The following TAF9B variants were observed in gnomAD, a reference collection of about 807,000 sequenced individuals.
The protein encoded by TAF9B is TATA-box binding protein associated factor 9b.
A neutral mutation model predicts 17.6 loss-of-function variants in TAF9B; 47 were observed. That is an observed-to-expected ratio of 2.68 (90% confidence interval 2.12 to 3.41). The LOEUF is 3.41. Ranked by LOEUF, TAF9B falls within the 30% of genes most tolerant of loss-of-function variation. TAF9B has a pLI of 0.00. For missense variants in TAF9B, 218 were observed against 189.3 expected, an observed-to-expected ratio of 1.15 and a Z score of -0.89; for synonymous variants, 84 against 68.7, an observed-to-expected ratio of 1.22 and a Z score of -1.10.
Position 78,139,563 on chromosome X carries a change from A to AG in TAF9B, c.48dup (p.Val18GlyfsTer15), listed in dbSNP as rs1557250521. The AG allele has an allele frequency of 3.3e-6, 4 of 1,211,556 alleles. No individual in the cohort carries two copies. Among genetic ancestry groups the AG allele is most frequent in the Non-Finnish European group, 4.5e-6 (4 of 895,361 alleles). On this transcript the variant is annotated frameshift_variant, in exon 1 of 7. Transcript: ENST00000341864. LOFTEE classifies it high-confidence loss of function. ...CGCGGCTTATCCTTCGCACTTACCAAGGCATCTCTCGGAGCGTTCTTGGGA... is the reference window on the plus strand; with the variant it reads ...CGCGGCTTATCCTTCGCACTTACCAAGGGCATCTCTCGGAGCGTTCTTGGGA...
intron 4 of TAF9B, 103 bp from the exon 5 acceptor site, chrX:78,137,093 A>G (rs2078437024): frequency 6.8e-6 from 4 of 588,324 alleles, no homozygotes; most frequent in Non-Finnish European, 1.1e-5. Flanking sequence ...AATCCATGGC[A>G]AGAAAGTCCT....
rs1422275899 is a variant in TAF9B, at chrX:78,138,085, TGTA to T, written c.144_146del (p.Thr49del). The T allele has an allele frequency of 1.3e-5, 16 of 1,200,106 alleles. No individual in the cohort carries two copies. Among genetic ancestry groups the T allele is most frequent in the South Asian group, 5.5e-5 (3 of 54,587 alleles). Reference sequence around the variant, plus strand: ...AATAAATTTTTGCATCATCCAGAATTGTAGTCACATAACCTATAAGAACAAAAC... The same window carrying T: ...AATAAATTTTTGCATCATCCAGAATTGTCACATAACCTATAAGAACAAAAC... On this transcript the variant is annotated inframe_deletion, in exon 3 of 7. Transcript: ENST00000341864.
At position 78,131,695 on chromosome X, in the gene TAF9B, T is replaced by C. The variant is rs147812216; in HGVS notation, c.671A>G (p.Asn224Ser). The change falls in exon 7 of 7, where the codon AAC becomes AGC. Residue 224 changes from asparagine (N) to serine (S), a missense_variant. Coordinates refer to ENST00000341864, the MANE Select transcript of TAF9B (RefSeq NM_015975.5). ...GGCTGTGTTCTGTGACGAAACCATGTTGGTGGTAATAAGAATATTTTTGGG... is the reference window on the plus strand; with the variant it reads ...GGCTGTGTTCTGTGACGAAACCATGCTGGTGGTAATAAGAATATTTTTGGG... ...IGPKNILITT[N>S]MVSSQNTANE... The C allele has an allele frequency of 3.8e-5, 46 of 1,208,415 alleles. No individual in the cohort carries two copies. In the African/African-American group the frequency reaches 4.9e-4, roughly 13 times the overall value.
Position 78,131,385 on chromosome X carries a change from T to TA in TAF9B, c.*224dup. The TA allele has an allele frequency of 3.5e-6, 1 of 284,934 alleles. No individual in the cohort carries two copies. The highest frequency in any genetic ancestry group is 6.1e-6 in the Non-Finnish European group (1 of 163,125). 23.5% of individuals were successfully genotyped at this position (284,934 alleles called of 1,213,427 possible). A position where few individuals can be genotyped will look rare whatever the true frequency, so the allele number is the denominator to read the frequency against. On this transcript the variant is annotated 3_prime_UTR_variant, in exon 7 of 7. Transcript: ENST00000341864. ...GAATTGCCATATTAGGACTCAACAT[T>TA]AATGAAACTATTAAGAAACAAGTAC...
intron 1 of TAF9B, 37 bp from the exon 2 acceptor site, chrX:78,138,961 G>T: frequency 9.5e-7 from 1 of 1,047,217 alleles, no homozygotes. Context: ...TGCAGAATTT[G>T]GTACTGGAAA....
intron 5 of TAF9B, 110 bp from the exon 6 acceptor site, chrX:78,133,558 G>A (rs967155549): frequency 3.6e-6 from 2 of 551,146 alleles, no homozygotes; most frequent in Non-Finnish European, 6.1e-6. Flanking sequence ...AATAAAAGGT[G>A]AGGAAAAAGT....
chrX:78,129,940 CAGTT>C lies in TAF9B; in HGVS notation c.*1666_*1669del, dbSNP rs1220196612. 2.7e-5 allele frequency: 3 copies of C among 112,171 alleles called. No homozygotes were observed. The highest frequency in any genetic ancestry group is 9.8e-5 in the African/African-American group (3 of 30,736). 9.2% of individuals were successfully genotyped at this position (112,171 alleles called of 1,213,427 possible). A position where few individuals can be genotyped will look rare whatever the true frequency, so the allele number is the denominator to read the frequency against. ...GGCTAAGAGGTGAAGTAAGGTCACA[CAGTT>C]GGTAAATGATGGAGCTAGGACTAGA... On this transcript the variant is annotated 3_prime_UTR_variant, in exon 7 of 7. Transcript: ENST00000341864.
intron 5 of TAF9B, 109 bp downstream of exon 5, chrX:78,136,806 C>A: frequency 4.1e-6 from 2 of 485,257 alleles, no homozygotes; most frequent in Non-Finnish European, 3.6e-6. Flanking sequence ...TTAATAGTAA[C>A]ACATACACAA....
At chrX:78,132,785 T>G (rs1369953411) in intron 6 of TAF9B, among the ~76,000 whole-genome samples, 3 of 111,220 alleles carry the variant, frequency 2.7e-5, no homozygotes, top group Non-Finnish European at 5.6e-5. Flanking sequence ...GACTTAGATT[T>G]GTGGACCCTA....
intron 5 of TAF9B, 102 bp from the exon 6 acceptor site, chrX:78,133,550 T>C: frequency 3.4e-6 from 2 of 592,377 alleles, no homozygotes; most frequent in Non-Finnish European, 5.5e-6. Context: ...AGGAAACTAA[T>C]AAAAGGTGAG....
At chrX:78,139,466 G>C in intron 1 of TAF9B, 95 bp downstream of exon 1, 4 of 1,140,554 alleles carry the variant, frequency 3.5e-6, no homozygotes, top group Non-Finnish European at 3.6e-6. Flanking sequence ...TGAAACGAGC[G>C]TGCGAGCCGA....
chrX:78,135,219 C>G (rs1450509056), intron 5 of TAF9B, among the ~76,000 whole-genome samples: 6 of 103,298 alleles, frequency 5.8e-5, no homozygotes, highest in African/African-American at 1.8e-4. Context: ...TCCCAAAGTG[C>G]TAGGATTACA....
chrX:78,139,053 G>GCCCT (rs2078445786), intron 1 of TAF9B, 129 bp from the exon 2 acceptor site: 1 of 496,861 alleles, frequency 2.0e-6, no homozygotes, highest in Non-Finnish European at 3.3e-6. Context: ...ACTCACCCTT[G>GCCCT]CCCTCCCAAG....
rs2078408628 is a variant in TAF9B at position 78,131,095 on chromosome X, A to G, written c.*515T>C. On this transcript the variant is annotated 3_prime_UTR_variant, in exon 7 of 7. Transcript: ENST00000341864. ...TTGAGTTTGGAAGTTAAGGAAGTCA[A>G]AGAAACAAATACATCCAAAATGGAT... is the stretch of plus-strand genomic sequence containing the variant. 9.0e-6 allele frequency: 1 copy of G among 111,007 alleles called. No individual in the cohort carries two copies. Among genetic ancestry groups the G allele is most frequent in the African/African-American group, 3.3e-5 (1 of 30,438 alleles). 9.1% of individuals were successfully genotyped at this position (111,007 alleles called of 1,213,427 possible). A position where few individuals can be genotyped will look rare whatever the true frequency, so the allele number is the denominator to read the frequency against.
At chrX:78,135,123 T>C (rs2078429188) in intron 5 of TAF9B, among the ~76,000 whole-genome samples, 1 of 105,289 alleles carries the variant, frequency 9.5e-6, no homozygotes, top group Admixed American at 1.0e-4. Flanking sequence ...TGGCTAATTT[T>C]TGTATTTTTA....
Position 78,139,645 on chromosome X carries a change from G to A in TAF9B, c.-34C>T, listed in dbSNP as rs976686270. 29 of 1,207,947 alleles carry A rather than the reference G, an allele frequency of 2.4e-5. No homozygotes were observed. The highest frequency in any genetic ancestry group is 3.0e-5 in the Non-Finnish European group (27 of 893,725). Reference sequence around the variant, plus strand: ...GCCACTCGTCATCCGCGGAGACAGAGGAGAGAGGAGAGCTCGCGGGCTCCT... The same window carrying A: ...GCCACTCGTCATCCGCGGAGACAGAAGAGAGAGGAGAGCTCGCGGGCTCCT... On this transcript the variant is annotated 5_prime_UTR_variant, in exon 1 of 7. Coordinates refer to ENST00000341864, the MANE Select transcript of TAF9B (RefSeq NM_015975.5).
intron 6 of TAF9B, 64 bp from the exon 7 acceptor site, chrX:78,131,837 T>G: frequency 1.9e-6 from 2 of 1,037,877 alleles, no homozygotes; most frequent in Non-Finnish European, 2.6e-6. Flanking sequence ...CTGAAACATA[T>G]GATAAAAAGT....
chrX:78,134,013 A>G (rs2078425054), intron 5 of TAF9B, among the ~76,000 whole-genome samples: 1 of 111,197 alleles, frequency 9.0e-6, no homozygotes, highest in Non-Finnish European at 1.9e-5. Flanking sequence ...CCATGAAACT[A>G]AAGCAGAGAT....
intron 5 of TAF9B, among the ~76,000 whole-genome samples, chrX:78,135,901 CAGGT>C (rs1557249993): frequency 8.9e-6 from 1 of 112,064 alleles, no homozygotes; most frequent in Admixed American, 9.5e-5. Context: ...ACAAAGGTCA[CAGGT>C]AGGTAATTAG....
Sources: gnomAD v4.1 joint callset for allele counts (sites outside exome capture counted in the v4.1 genomes callset) on GRCh38, gnomAD v4.1.1 for gene constraint, MANE v1.5 for transcripts, NCBI Gene and HGNC (gene_info 2026-07-23, HGNC 2026-07-21) for gene names.